Variants in PRPSAP1 observed in about 807,000 individuals in gnomAD.
The protein encoded by PRPSAP1 is phosphoribosyl pyrophosphate synthase-associated protein 1.
A neutral mutation model predicts 39.4 loss-of-function variants in PRPSAP1; 31 were observed. The observed-to-expected ratio is 0.79, with a 90% CI of 0.59 to 1.06. The LOEUF (loss-of-function observed/expected upper bound fraction) is 1.06. PRPSAP1 is among the 50% of genes least tolerant of loss of function. The pLI is 0.00. For missense variants in PRPSAP1, 430 were observed against 511.6 expected (o/e 0.84, Z 1.54); for synonymous variants, 212 against 192.6 (o/e 1.10, Z -0.83).
At chr17:76,311,805 C>T (rs2071073687) in intron 9 of PRPSAP1, 105 bp from the exon 10 acceptor site, 1 of 1,302,136 alleles carries the variant, frequency 7.7e-7, no homozygotes, top group Admixed American at 2.5e-5. Flanking sequence ...GCCTAAGTTC[C>T]AAACTACAAA....
chr17:76,320,017 C>T (rs879670581), intron 7 of PRPSAP1, among the ~76,000 whole-genome samples: 6 of 151,898 alleles, frequency 4.0e-5, no homozygotes, highest in Non-Finnish European at 7.4e-5. Flanking sequence ...CATCTGTAAT[C>T]CCAGCACTTT....
In PRPSAP1 at chr17:76,353,569, C is replaced by T; in HGVS notation, c.135G>A (p.Thr45=). ...GCTTGGCCAGCTCCGTGCAGGCGGC[C>T]GTGGAGTTGGCCGAGAAGACTCGGT... ...TGYRVFSANS[T]AACTELAKRI... is the part of the protein sequence containing the mutation. The change falls in exon 1 of 10, where the codon ACG becomes ACA. Residue 45 remains threonine (T), a synonymous_variant. Coordinates refer to ENST00000446526, the MANE Select transcript of PRPSAP1 (RefSeq NM_002766.3). 2.6e-6 allele frequency: 4 copies of T among 1,558,544 alleles called. 1 individual carries two copies. In the South Asian group the frequency reaches 3.5e-5, roughly 14 times the overall value.
At chr17:76,346,005 GA>G in intron 2 of PRPSAP1, 10 of 463,528 alleles carry the variant, frequency 2.2e-5, no homozygotes, top group East Asian at 6.0e-5. Flanking sequence ...GTACCCAAGG[GA>G]AAAAGGAAAA....
intron 3 of PRPSAP1, 132 bp from the exon 4 acceptor site, chr17:76,332,567 A>C: frequency 4.0e-6 from 4 of 995,298 alleles, no homozygotes; most frequent in Non-Finnish European, 5.8e-6. Flanking sequence ...CTAGCTTACA[A>C]TGGCACCTCA....
Position 76,310,233 on chromosome 17 carries a change from G to C in PRPSAP1, c.*1309C>G, listed in dbSNP as rs539629354. The C allele has an allele frequency of 6.7e-6, 1 of 148,460 alleles. No homozygotes were observed. Among genetic ancestry groups the C allele is most frequent in the African/African-American group, 2.6e-5 (1 of 38,720 alleles). The allele number at this position is 148,460 out of a possible 1,614,324, so 9.2% of individuals were successfully genotyped here. On this transcript the variant is annotated 3_prime_UTR_variant, in exon 10 of 10. Transcript: ENST00000446526. ...GCTGGTCTCAAACTCCTGACCTCAAGTGATCTGCCCACCTCGGCCTCCCAA... is the reference window on the plus strand; with the variant it reads ...GCTGGTCTCAAACTCCTGACCTCAACTGATCTGCCCACCTCGGCCTCCCAA...
intron 7 of PRPSAP1, among the ~76,000 whole-genome samples, chr17:76,325,184 C>T (rs1430923176): frequency 2.0e-5 from 3 of 151,128 alleles, no homozygotes; most frequent in Non-Finnish European, 4.4e-5. Context: ...CCGAGGCGGG[C>T]GGATCATGAG....
rs1182884233 is a variant in PRPSAP1, at chr17:76,311,396, C to T, written c.*146G>A. ...CTGTCTTCTTCCTGACTCTTTTAAT[C>T]CCTCCTCCCCATCAATCCGGGCAAA... is the stretch of plus-strand genomic sequence containing the variant. On this transcript the variant is annotated 3_prime_UTR_variant, in exon 10 of 10. Transcript: ENST00000446526. The T allele has an allele frequency of 4.8e-6, 4 of 836,508 alleles. No individual in the cohort carries two copies. The highest frequency in any genetic ancestry group is 3.6e-4 in the Middle Eastern group (1 of 2,744). The allele number at this position is 836,508 out of a possible 1,614,324, so 51.8% of individuals were successfully genotyped here. A position where few individuals can be genotyped will look rare whatever the true frequency, so the allele number is the denominator to read the frequency against.
At chr17:76,337,448 A>AAAAACAAAC (rs1555595611) in intron 3 of PRPSAP1, 1 of 151,868 alleles carries the variant, frequency 6.6e-6, no homozygotes, top group African/African-American at 2.4e-5. Flanking sequence ...CAACAACAAC[A>AAAAACAAAC]AACTAACCTG....
intron 1 of PRPSAP1, among the ~76,000 whole-genome samples, chr17:76,350,990 C>G (rs1378352892): frequency 6.6e-6 from 1 of 152,118 alleles, no homozygotes; most frequent in African/African-American, 2.4e-5. Flanking sequence ...CAAGATGGCT[C>G]TATTGCACTC....
chr17:76,320,273 GAAAGAAAGA>G (rs71161280), intron 7 of PRPSAP1, among the ~76,000 whole-genome samples: 930 of 31,120 alleles, frequency 0.03, 23 homozygotes, highest in Non-Finnish European at 0.062. Context: ...AGAAAAGAAA[GAAAGAAAGA>G]AAAGAAAGAA....
At chr17:76,335,534 T>C (rs2071368629) in intron 3 of PRPSAP1, among the ~76,000 whole-genome samples, 4 of 152,018 alleles carry the variant, frequency 2.6e-5, no homozygotes, top group Admixed American at 2.6e-4. Flanking sequence ...TTTTGTATTT[T>C]TAGTAGAGAT....
chr17:76,354,077 G>A, upstream of PRPSAP1: 1 of 1,049,712 alleles, frequency 9.5e-7, no homozygotes, highest in Non-Finnish European at 1.1e-6. Context: ...GCTTCCACGG[G>A]AGCTCTTTCG....
Position 76,353,645 on chromosome 17 carries a change from G to C in PRPSAP1, c.59C>G (p.Pro20Arg). The change falls in exon 1 of 10, where the codon CCG (proline) becomes CGG (arginine). Residue 20 changes from proline (P) to arginine (R), a missense_variant. Physicochemically the swap from Pro to Arg is moderately radical, Grantham distance 103. Coordinates refer to ENST00000446526, the MANE Select transcript of PRPSAP1 (RefSeq NM_002766.3). Reference protein sequence around the residue: ...PPSASSAFRVPRARPVPPPAM... With the variant: ...PPSASSAFRVRRARPVPPPAM... Reference sequence around the variant, plus strand: ...CGGCGGGGGAACGGGGCGGGCGCGCGGGACGCGGAAAGCCGAGGACGCGGA... The same window carrying C: ...CGGCGGGGGAACGGGGCGGGCGCGCCGGACGCGGAAAGCCGAGGACGCGGA... The C allele has an allele frequency of 6.5e-7, 1 of 1,535,366 alleles. No individual in the cohort carries two copies. Among genetic ancestry groups the C allele is most frequent in the Non-Finnish European group, 8.7e-7 (1 of 1,146,756 alleles).
At chr17:76,313,763 A>C in intron 8 of PRPSAP1, 58 bp downstream of exon 8, 1 of 1,566,142 alleles carries the variant, frequency 6.4e-7, no homozygotes, top group Non-Finnish European at 8.8e-7. Flanking sequence ...AGAGTGGACA[A>C]CCTACTGACC....
chr17:76,341,370 T>C (rs532948340), intron 3 of PRPSAP1, among the ~76,000 whole-genome samples: 2 of 150,830 alleles, frequency 1.3e-5, no homozygotes, highest in African/African-American at 4.9e-5. Context: ...CCCGAGTAGC[T>C]CAGACTACAG....
intron 1 of PRPSAP1, among the ~76,000 whole-genome samples, chr17:76,352,131 C>G (rs1311710245): frequency 2.6e-5 from 4 of 151,820 alleles, no homozygotes; most frequent in African/African-American, 9.7e-5. Context: ...CTACATTTCC[C>G]CCCAGAAGTT....
chr17:76,330,509 T>C, intron 5 of PRPSAP1, 42 bp downstream of exon 5: 2 of 1,409,834 alleles, frequency 1.4e-6, no homozygotes, highest in Non-Finnish European at 2.0e-6. Flanking sequence ...CTAAATAAGA[T>C]CTCTTTTGAG....
rs532214075 is a variant in PRPSAP1, at chr17:76,339,916, G to C, written c.290+4755C>G. ...GGAGGCCGGGGCAAGCAGATCAGCTGAGCTCAGGAGTTCAAGACCAGCCTG... is the reference window on the plus strand; with the variant it reads ...GGAGGCCGGGGCAAGCAGATCAGCTCAGCTCAGGAGTTCAAGACCAGCCTG... On this transcript the variant is annotated intron_variant, in intron 3 of 9. Transcript: ENST00000446526. 2.0e-5 allele frequency among the ~76,000 whole-genome samples: 3 copies of C among 151,680 alleles called. No individual in the cohort carries two copies. In the East Asian group the frequency reaches 5.8e-4, roughly 29 times the overall value.
chr17:76,352,748 C>T (rs1040739440), intron 1 of PRPSAP1, among the ~76,000 whole-genome samples: 34 of 151,886 alleles, frequency 2.2e-4, no homozygotes, highest in African/African-American at 8.0e-4. Context: ...TCTGCTAGAA[C>T]CAGATACTAC....
Sources: gnomAD v4.1 joint callset for allele counts (sites outside exome capture counted in the v4.1 genomes callset) on GRCh38, gnomAD v4.1.1 for gene constraint, MANE v1.5 for transcripts, NCBI Gene and HGNC (gene_info 2026-07-23, HGNC 2026-07-21) for gene names.